The following VRK3 variants were observed in gnomAD, a reference collection of about 807,000 sequenced individuals.
VRK3 encodes the protein serine/threonine-protein kinase VRK3.
In VRK3, 50 loss-of-function variants were observed where a neutral mutation model predicts 60.4. The ratio of observed to expected loss-of-function variants is 0.83; its 90% CI spans 0.66 to 1.05. The LOEUF is 1.05. VRK3 is among the 50% of genes least tolerant of loss of function. The pLI is 0.00. For synonymous variants in VRK3, 246 were observed against 227.8 expected, an observed-to-expected ratio of 1.08 and a Z score of -0.72; for missense variants, 549 against 585.3, an observed-to-expected ratio of 0.94 and a Z score of 0.64.
chr19:50,007,755 C>G lies in VRK3; in HGVS notation c.361G>C (p.Gly121Arg), dbSNP rs201432963. 4.3e-6 allele frequency: 7 copies of G among 1,613,804 alleles called. No homozygotes were observed. Among genetic ancestry groups the G allele is most frequent in the Non-Finnish European group, 5.9e-6 (7 of 1,179,976 alleles). Residue 121 changes from glycine (G) to arginine (R), a missense_variant, in exon 5 of 15, where the codon GGT (glycine) becomes CGT (arginine). By Grantham distance (125) the Gly-to-Arg change is moderately radical. Transcript: ENST00000316763. ...CTACAGCTGGTCTTCTGAGGGCTAC[C>G]CCTGGTCACCTGAGGGCTCTTCCTG... is the stretch of plus-strand genomic sequence containing the variant. ...KTRKSPQVTR[G>R]SPQKTSCSPQ...
intron 4 of VRK3, 109 bp downstream of exon 4, chr19:50,009,127 G>A (rs1370940307): frequency 1.3e-5 from 17 of 1,315,146 alleles, no homozygotes; most frequent in Admixed American, 5.8e-5. Flanking sequence ...AGTCCAGGCA[G>A]GGATGGATGA....
intron 9 of VRK3, among the ~76,000 whole-genome samples, chr19:49,994,383 G>C (rs745953): frequency 0.11 from 16,905 of 152,146 alleles, 1,200 homozygotes; most frequent in East Asian, 0.34. Flanking sequence ...ATATTTAATG[G>C]GGATGAATGA....
At chr19:49,991,534 C>T (rs1213407308) in intron 10 of VRK3, among the ~76,000 whole-genome samples, 2 of 151,842 alleles carry the variant, frequency 1.3e-5, no homozygotes, top group African/African-American at 2.4e-5. Context: ...CACACACACA[C>T]GCACACACAC....
At chr19:49,977,529 A>G (rs2076350938) in intron 14 of VRK3, among the ~76,000 whole-genome samples, 1 of 152,054 alleles carries the variant, frequency 6.6e-6, no homozygotes, top group Non-Finnish European at 1.5e-5. Flanking sequence ...CGCTCCATCG[A>G]TAAACAGGAT....
chr19:49,996,880 G>A (rs2076714262), intron 7 of VRK3: 1 of 151,686 alleles, frequency 6.6e-6, no homozygotes, highest in Admixed American at 6.6e-5. Flanking sequence ...GCCTGCCAAA[G>A]TGCTAAGACT....
intron 14 of VRK3, among the ~76,000 whole-genome samples, 169 bp from the exon 15 acceptor site, chr19:49,976,953 G>A (rs1173836241): frequency 6.6e-6 from 1 of 152,142 alleles, no homozygotes; most frequent in African/African-American, 2.4e-5. Context: ...TTAGGATGAG[G>A]AGGAGGCGGG....
chr19:50,012,307 C>T (rs1167645992), intron 3 of VRK3, among the ~76,000 whole-genome samples: 3 of 152,142 alleles, frequency 2.0e-5, no homozygotes, highest in Admixed American at 1.3e-4. Context: ...TCAAACTTTA[C>T]CCACTTAGGG....
chr19:49,993,063 T>C (rs1465538803), intron 9 of VRK3, 111 bp from the exon 10 acceptor site: 4 of 961,790 alleles, frequency 4.2e-6, no homozygotes, highest in African/African-American at 1.6e-5. Flanking sequence ...TGTCCGACAC[T>C]GTGACTGGGG....
intron 13 of VRK3, 28 bp downstream of exon 13, chr19:49,980,927 G>A (rs964528998): frequency 3.3e-5 from 53 of 1,598,752 alleles, no homozygotes; most frequent in Non-Finnish European, 4.3e-5. Flanking sequence ...CCGAGTCCCC[G>A]CCTGTTCCCG....
chr19:49,996,425 A>G (rs2076705895), intron 7 of VRK3, among the ~76,000 whole-genome samples: 1 of 152,062 alleles, frequency 6.6e-6, no homozygotes, highest in Non-Finnish European at 1.5e-5. Flanking sequence ...CCAACATGAC[A>G]TGACTGGAGG....
chr19:50,009,223 C>T lies in VRK3; in HGVS notation c.289+13G>A, dbSNP rs1271202130. Reference sequence around the variant, plus strand: ...CCACTTAAGAGTCAGGCCAGATAGACCTTAACTCTTACCTTTGGATCTCTC... The same window carrying T: ...CCACTTAAGAGTCAGGCCAGATAGATCTTAACTCTTACCTTTGGATCTCTC... On this transcript the variant is annotated intron_variant, in intron 4 of 14. Transcript: ENST00000316763. 1 of 1,613,006 alleles carries T rather than the reference C, an allele frequency of 6.2e-7. No individual in the cohort carries two copies. Among genetic ancestry groups the T allele is most frequent in the Non-Finnish European group, 8.5e-7 (1 of 1,179,410 alleles).
rs10425470 is a variant in VRK3 at position 49,997,390 on chromosome 19, C to T, written c.679+114G>A. ...GTTATGGACACAGATGGGAGCAAAC[C>T]TGGGCCTTTAATCTAAGCCCACCCT... On this transcript the variant is annotated intron_variant, in intron 7 of 14. Transcript: ENST00000316763. 0.012 allele frequency: 13,791 copies of T among 1,187,552 alleles called. 1,186 individuals carry two copies. The African/African-American group carries it at 0.18, about 16-fold the overall frequency. 73.6% of individuals were successfully genotyped at this position (1,187,552 alleles called of 1,614,324 possible).
intron 12 of VRK3, chr19:49,986,453 CCAGAGA>C: frequency 6.5e-6 from 1 of 153,202 alleles, no homozygotes; most frequent in African/African-American, 2.4e-5. Flanking sequence ...CTGAAGAGAG[CCAGAGA>C]CAGATGAGAC....
chr19:49,992,012 C>T (rs1277218260), intron 10 of VRK3, among the ~76,000 whole-genome samples: 3 of 152,204 alleles, frequency 2.0e-5, no homozygotes, highest in Non-Finnish European at 2.9e-5. Context: ...TTCACTATTA[C>T]AATCAGTGTT....
chr19:50,004,498 C>G (rs751588385), intron 5 of VRK3, among the ~76,000 whole-genome samples: 11 of 152,190 alleles, frequency 7.2e-5, no homozygotes, highest in Non-Finnish European at 1.6e-4. Flanking sequence ...TCTACTACTT[C>G]CAGGCTGTGT....
intron 12 of VRK3, among the ~76,000 whole-genome samples, chr19:49,984,850 C>T (rs2076485122): frequency 6.6e-6 from 1 of 152,114 alleles, no homozygotes; most frequent in African/African-American, 2.4e-5. Flanking sequence ...GTCTCAAACT[C>T]CTGGGCTCAA....
chr19:50,023,939 C>A (rs771214821), intron 1 of VRK3, among the ~76,000 whole-genome samples: 1 of 152,108 alleles, frequency 6.6e-6, no homozygotes, highest in Non-Finnish European at 1.5e-5. Flanking sequence ...CTTGCTTCTG[C>A]CATGTATTGC....
At position 49,979,134 on chromosome 19, in the gene VRK3, A is replaced by G. The variant is rs753013089; in HGVS notation, c.1385T>C (p.Val462Ala). The G allele has an allele frequency of 4.3e-6, 7 of 1,613,898 alleles. No homozygotes were observed. In the South Asian group the frequency reaches 7.7e-5, roughly 18 times the overall value. Residue 462 changes from valine to alanine, a missense_variant, in exon 14 of 15, where the codon GTG becomes GCG. Coordinates refer to ENST00000316763, the MANE Select transcript of VRK3 (RefSeq NM_016440.4). The stretch of plus-strand genomic sequence containing the variant: ...GAGGCCAATGGGGTCATATGGAGAC[A>G]CACGCAGATCCTGCAGCAAAGCTTC... ...NLEALLQDLR[V>A]SPYDPIGLPM...
At chr19:49,978,368 G>T (rs1463421391) in intron 14 of VRK3, among the ~76,000 whole-genome samples, 1 of 152,172 alleles carries the variant, frequency 6.6e-6, no homozygotes, top group Non-Finnish European at 1.5e-5. Flanking sequence ...CTGCACCCTT[G>T]CCAAAATTTA....
Sources: allele counts gnomAD v4.1 joint callset (sites outside exome capture counted in the v4.1 genomes callset), GRCh38; gene constraint gnomAD v4.1.1; transcripts MANE v1.5; gene names NCBI Gene and HGNC (gene_info 2026-07-23, HGNC 2026-07-21).